Variants in ADCY1 observed in about 807,000 individuals in gnomAD.
ADCY1 encodes adenylate cyclase 1.
Under a neutral mutation model 105.4 loss-of-function variants are expected in ADCY1, and 28 were observed. That is an observed-to-expected ratio of 0.27 (90% CI 0.20 to 0.36). The LOEUF (loss-of-function observed/expected upper bound fraction) is 0.36. Ranked by LOEUF, ADCY1 falls within the 10% of genes least tolerant of loss-of-function variation. ADCY1 has a pLI of 1.00. For synonymous variants in ADCY1, 655 were observed against 623.8 expected (o/e 1.05, Z -0.75); for missense variants, 977 against 1,434.2 (o/e 0.68, Z 5.15).
At chr7:45,590,172 G>C (rs1022638379) in intron 1 of ADCY1, among the ~76,000 whole-genome samples, 9 of 152,112 alleles carry the variant, frequency 5.9e-5, no homozygotes, top group Non-Finnish European at 1.3e-4. Flanking sequence ...CAAACGGGGA[G>C]GGTCGGTCAT....
chr7:45,575,984 G>A lies in ADCY1; in HGVS notation c.639+802G>A, dbSNP rs904192766. On this transcript the variant is annotated intron_variant, in intron 1 of 19. Transcript: ENST00000297323. The surrounding 1 kb of genome is among the most constrained non-coding windows in gnomAD (Gnocchi z 4.7). ...GTGGACCAGAGGTCTTTGCCCCACG[G>A]CGGGGCTTTGAGAGCTTCCCCTTGT... is the stretch of plus-strand genomic sequence containing the variant. Among the ~76,000 whole-genome samples, 1 of 152,250 alleles carries A rather than the reference G, an allele frequency of 6.6e-6. No individual in the cohort carries two copies. Among genetic ancestry groups the A allele is most frequent in the African/African-American group, 2.4e-5 (1 of 41,474 alleles).
chr7:45,710,398 C>G lies in ADCY1; in HGVS notation c.2933-130C>G. 1 of 1,360,324 alleles carries G rather than the reference C, an allele frequency of 7.4e-7. No homozygotes were observed. Among genetic ancestry groups the G allele is most frequent in the Non-Finnish European group, 1.0e-6 (1 of 1,002,604 alleles). The allele number at this position is 1,360,324 out of a possible 1,614,324, so 84.3% of individuals were successfully genotyped here. On this transcript the variant is annotated intron_variant, in intron 18 of 19. Coordinates refer to ENST00000297323, the MANE Select transcript of ADCY1 (RefSeq NM_021116.4). This position sits in a 1 kb window ranked among gnomAD's most constrained non-coding sequence, Gnocchi z 4.7. ...GGAAGGAGCCTGGTGCTAGGTGACC[C>G]CAGGAAACAAAGCCCTGAAAGGAGC...
chr7:45,678,728 A>G (rs1784507585), intron 10 of ADCY1, among the ~76,000 whole-genome samples: 1 of 151,402 alleles, frequency 6.6e-6, no homozygotes, highest in African/African-American at 2.4e-5. Context: ...AAAAAAAAAA[A>G]AAAAAATTAG....
chr7:45,602,208 G>A (rs1396254571), intron 2 of ADCY1, among the ~76,000 whole-genome samples: 1 of 151,644 alleles, frequency 6.6e-6, no homozygotes, highest in Non-Finnish European at 1.5e-5. Flanking sequence ...GGGGATATGG[G>A]CTGGAAGTGC....
At chr7:45,660,254 A>G in intron 7 of ADCY1, 71 bp downstream of exon 7, 2 of 1,572,798 alleles carry the variant, frequency 1.3e-6, no homozygotes, top group Non-Finnish European at 1.7e-6. Context: ...TACAGATGTG[A>G]CTCCTCCTGC....
At chr7:45,653,689 C>G (rs1720816828) in intron 5 of ADCY1, among the ~76,000 whole-genome samples, 1 of 152,190 alleles carries the variant, frequency 6.6e-6, no homozygotes, top group Non-Finnish European at 1.5e-5. Flanking sequence ...GTCCCTCTCC[C>G]CCACTGGGGC....
chr7:45,584,766 C>A (rs1036071706), intron 1 of ADCY1, among the ~76,000 whole-genome samples: 1 of 152,190 alleles, frequency 6.6e-6, no homozygotes, highest in Non-Finnish European at 1.5e-5. Flanking sequence ...GGTTACACTC[C>A]AGGAGGGCTT....
chr7:45,625,622 C>T (rs1268629085), intron 4 of ADCY1, among the ~76,000 whole-genome samples: 3 of 151,888 alleles, frequency 2.0e-5, no homozygotes, highest in East Asian at 1.9e-4. Flanking sequence ...CATGAACACA[C>T]GTGTGTACAT....
chr7:45,622,029 C>A (rs1793905418), intron 3 of ADCY1, among the ~76,000 whole-genome samples: 1 of 152,134 alleles, frequency 6.6e-6, no homozygotes, highest in African/African-American at 2.4e-5. Flanking sequence ...TAGGGCTGCC[C>A]CCAGTGCTGT....
At chr7:45,634,136 G>A (rs1047181140) in intron 4 of ADCY1, among the ~76,000 whole-genome samples, 2 of 152,104 alleles carry the variant, frequency 1.3e-5, no homozygotes, top group Non-Finnish European at 2.9e-5. Flanking sequence ...GTAGGTTTCC[G>A]TATACATACG....
intron 4 of ADCY1, among the ~76,000 whole-genome samples, chr7:45,625,406 A>T (rs547349249): frequency 6.6e-6 from 1 of 152,200 alleles, no homozygotes. Context: ...TGATGGGTCA[A>T]GTGGAGTGAG....
chr7:45,657,698 T>C lies in ADCY1; in HGVS notation c.1149-29T>C, dbSNP rs2471231. 0.86 allele frequency: 1,379,307 copies of C among 1,600,618 alleles called. 595,644 individuals carry two copies. Among genetic ancestry groups the C allele is most frequent in the South Asian group, 0.96 (85,589 of 88,826 alleles). Reference sequence around the variant, plus strand: ...CCCTGGGAGGATACAAGGTGGGCCCTAGCCCCACGCTCTGTGTCTGTGTTG... The same window carrying C: ...CCCTGGGAGGATACAAGGTGGGCCCCAGCCCCACGCTCTGTGTCTGTGTTG... On this transcript the variant is annotated intron_variant, in intron 5 of 19. Coordinates refer to ENST00000297323, the MANE Select transcript of ADCY1 (RefSeq NM_021116.4).
At chr7:45,574,239 G>A, upstream of ADCY1, 1 of 754,350 alleles carries the variant, frequency 1.3e-6, no homozygotes, top group Non-Finnish European at 1.6e-6. This position sits in a 1 kb window ranked among gnomAD's most constrained non-coding sequence, Gnocchi z 7.0. Flanking sequence ...AGGACGCGGA[G>A]TTGGGGCGCG....
At chr7:45,596,506 T>G (rs62459978) in intron 2 of ADCY1, among the ~76,000 whole-genome samples, 3 of 152,154 alleles carry the variant, frequency 2.0e-5, no homozygotes, top group Non-Finnish European at 4.4e-5. Flanking sequence ...GGGACACACC[T>G]TGGTTTCGGG....
chr7:45,683,455 G>T (rs1784601129), intron 11 of ADCY1, among the ~76,000 whole-genome samples: 1 of 152,162 alleles, frequency 6.6e-6, no homozygotes, highest in Admixed American at 6.5e-5. Flanking sequence ...CATTTGGGCT[G>T]AAGTGCTGCA....
intron 8 of ADCY1, among the ~76,000 whole-genome samples, chr7:45,675,658 G>A (rs1326916308): frequency 1.3e-5 from 2 of 151,962 alleles, no homozygotes; most frequent in Admixed American, 1.3e-4. Flanking sequence ...CAGTTCTTAA[G>A]CACTTGATGA....
chr7:45,687,677 C>T (rs549971795), intron 14 of ADCY1, among the ~76,000 whole-genome samples: 64 of 152,212 alleles, frequency 4.2e-4, no homozygotes, highest in Non-Finnish European at 7.3e-4. Flanking sequence ...GCTATTTGAT[C>T]TCATTCAGTC....
At chr7:45,678,383 A>G (rs1778089533) in intron 10 of ADCY1, 120 bp downstream of exon 10, 2 of 935,764 alleles carry the variant, frequency 2.1e-6, no homozygotes, top group African/African-American at 3.2e-5. Flanking sequence ...TTCGTCTCCC[A>G]CAGTTATTGT....
At chr7:45,668,011 G>C (rs1053159818) in intron 8 of ADCY1, among the ~76,000 whole-genome samples, 2 of 152,210 alleles carry the variant, frequency 1.3e-5, no homozygotes, top group African/African-American at 2.4e-5. Context: ...TTGCTTATCA[G>C]CTTAAGGAGA....
Sources: gnomAD v4.1 joint callset for allele counts (sites outside exome capture counted in the v4.1 genomes callset) on GRCh38, gnomAD v4.1.1 for gene constraint, Gnocchi (gnomAD v3.1) non-coding constraint, MANE v1.5 for transcripts, NCBI Gene and HGNC (gene_info 2026-07-23, HGNC 2026-07-21) for gene names.